The following CLSTN1 variants were observed in gnomAD, a reference collection of about 807,000 sequenced individuals.
CLSTN1 encodes calsyntenin-1.
CLSTN1 carries 28 observed loss-of-function variants against 108.3 expected under a neutral mutation model. That is an observed-to-expected ratio of 0.26 (90% confidence interval 0.19 to 0.35). The LOEUF is 0.35. Ranked by LOEUF, CLSTN1 falls within the 10% of genes least tolerant of loss-of-function variation. The pLI, the probability that CLSTN1 is intolerant of heterozygous loss-of-function variation, is 1.00. For synonymous variants in CLSTN1, 524 were observed against 534.9 expected (o/e 0.98, Z 0.28); for missense variants, 1,157 against 1,302.6 (o/e 0.89, Z 1.72).
rs1458846515 is a variant in CLSTN1 at position 9,823,949 on chromosome 1, G to C, written c.-216C>G. On this transcript the variant is annotated 5_prime_UTR_variant, in exon 1 of 19. Coordinates refer to ENST00000377298, the MANE Select transcript of CLSTN1 (RefSeq NM_001009566.3). This position sits in a 1 kb window ranked among gnomAD's most constrained non-coding sequence, Gnocchi z 6.3. ...TCAGAGCAGCGTCTTGCTGAAGGCA[G>C]CGGCAGCAACTAAGATGGCGGCGGC... 1 of 161,432 alleles carries C rather than the reference G, an allele frequency of 6.2e-6. No homozygotes were observed. Among genetic ancestry groups the C allele is most frequent in the Admixed American group, 6.5e-5 (1 of 15,454 alleles). The allele number at this position is 161,432 out of a possible 1,614,324, so 10.0% of individuals were successfully genotyped here. A position where few individuals can be genotyped will look rare whatever the true frequency, so the allele number is the denominator to read the frequency against.
chr1:9,762,460 C>CA (rs534167959), intron 2 of CLSTN1, among the ~76,000 whole-genome samples: 1,506 of 120,268 alleles, frequency 0.013, 16 homozygotes, highest in African/African-American at 0.029. Flanking sequence ...GACTCTGTCT[C>CA]AAAAAAAAAA....
intron 1 of CLSTN1, among the ~76,000 whole-genome samples, chr1:9,793,917 G>C (rs999419058): frequency 1.3e-5 from 2 of 151,418 alleles, no homozygotes; most frequent in Non-Finnish European, 2.9e-5. Flanking sequence ...GCTTCCCCTG[G>C]TGGGCCAGGG....
At position 9,791,926 on chromosome 1, in the gene CLSTN1, A is replaced by G. The variant is rs1194551680; in HGVS notation, c.92-18532T>C. ...CACTTTGGGAGGCTGAGGCGGGTCG[A>G]TCACCTGAGGTCAGGAGTTCCAGAC... On this transcript the variant is annotated intron_variant, in intron 1 of 18. Transcript: ENST00000377298. Among the ~76,000 whole-genome samples, 3 of 151,134 alleles carry G rather than the reference A, an allele frequency of 2.0e-5. No homozygotes were observed. The East Asian group carries it at 6.1e-4, about 31-fold the overall frequency.
chr1:9,807,747 T>G (rs1214477451), intron 1 of CLSTN1, among the ~76,000 whole-genome samples: 2 of 152,236 alleles, frequency 1.3e-5, no homozygotes, highest in Non-Finnish European at 2.9e-5. Flanking sequence ...AAAACCTTTC[T>G]GCCCTTGGAG....
chr1:9,806,142 T>C (rs768134167), intron 1 of CLSTN1, among the ~76,000 whole-genome samples: 4 of 151,050 alleles, frequency 2.6e-5, no homozygotes, highest in East Asian at 3.9e-4. Flanking sequence ...ATACAAAAAT[T>C]AGCTGTCCAT....
chr1:9,807,500 T>C (rs922732991), intron 1 of CLSTN1, among the ~76,000 whole-genome samples: 2 of 152,234 alleles, frequency 1.3e-5, no homozygotes, highest in Non-Finnish European at 2.9e-5. Flanking sequence ...ATTTACTTCA[T>C]ATAGATTTAG....
intron 10 of CLSTN1, among the ~76,000 whole-genome samples, chr1:9,739,157 C>T (rs1212967826): frequency 1.3e-5 from 2 of 152,152 alleles, no homozygotes; most frequent in Admixed American, 6.5e-5. Flanking sequence ...TTTCCACTAA[C>T]TTCTGAAATT....
chr1:9,754,992 G>A (rs1252786165), intron 4 of CLSTN1, 122 bp downstream of exon 4: 3 of 721,478 alleles, frequency 4.2e-6, no homozygotes, highest in Non-Finnish European at 4.6e-6. Flanking sequence ...AGACACTTGA[G>A]AACTATCTTC....
chr1:9,765,871 T>C (rs1652305309), intron 2 of CLSTN1, among the ~76,000 whole-genome samples: 1 of 151,384 alleles, frequency 6.6e-6, no homozygotes, highest in Admixed American at 6.6e-5. Flanking sequence ...AGCGAGACTC[T>C]GTCTCAAAAA....
chr1:9,778,380 G>A (rs1249523974), intron 1 of CLSTN1, among the ~76,000 whole-genome samples: 2 of 152,134 alleles, frequency 1.3e-5, no homozygotes, highest in Non-Finnish European at 2.9e-5. Context: ...AACCTCAAAT[G>A]CGCAAATCAG....
chr1:9,792,432 C>T lies in CLSTN1; in HGVS notation c.92-19038G>A, dbSNP rs1367284306. Among the ~76,000 whole-genome samples the T allele has an allele frequency of 3.3e-5, 5 of 151,448 alleles. No homozygotes were observed. The Admixed American group carries it at 3.3e-4, about 10-fold the overall frequency. The stretch of plus-strand genomic sequence containing the variant: ...AGATTTCCAGCAGCAAAGGCTTTAG[C>T]ACAATCCTTCCAGAAGTTCCAAAGC... On this transcript the variant is annotated intron_variant, in intron 1 of 18. Coordinates refer to ENST00000377298, the MANE Select transcript of CLSTN1 (RefSeq NM_001009566.3).
chr1:9,816,601 CAA>C (rs770468061), intron 1 of CLSTN1, among the ~76,000 whole-genome samples: 2 of 148,708 alleles, frequency 1.3e-5, no homozygotes, highest in Non-Finnish European at 3.0e-5. Flanking sequence ...TTGTTTGAGA[CAA>C]AGTCTTGCTC....
chr1:9,812,690 T>C (rs1403917163), intron 1 of CLSTN1, among the ~76,000 whole-genome samples: 1 of 151,608 alleles, frequency 6.6e-6, no homozygotes, highest in Non-Finnish European at 1.5e-5. Flanking sequence ...CTACTAAAAA[T>C]ACAAAATTAG....
chr1:9,763,829 C>T (rs1487023421), intron 2 of CLSTN1, among the ~76,000 whole-genome samples: 1 of 152,186 alleles, frequency 6.6e-6, no homozygotes, highest in Non-Finnish European at 1.5e-5. Context: ...CCTCTCTTCA[C>T]TGCCTATGCA....
intron 1 of CLSTN1, among the ~76,000 whole-genome samples, chr1:9,796,194 A>G (rs969487634): frequency 6.7e-5 from 10 of 148,528 alleles, no homozygotes; most frequent in Non-Finnish European, 8.9e-5. Context: ...CCTAGGAGGC[A>G]GAGGTTGCAG....
chr1:9,789,117 A>C (rs1236347450), intron 1 of CLSTN1, among the ~76,000 whole-genome samples: 1 of 151,454 alleles, frequency 6.6e-6, no homozygotes. Context: ...GGCCATTGTG[A>C]ACAATGCTGC....
chr1:9,756,812 G>A (rs180923584), intron 2 of CLSTN1, among the ~76,000 whole-genome samples: 67 of 152,070 alleles, frequency 4.4e-4, no homozygotes, highest in African/African-American at 1.4e-3. Context: ...ACAGAGTCTC[G>A]CTCTGTCACC....
rs1655257770 is a variant in CLSTN1, at chr1:9,823,247, C to T, written c.91+396G>A. ...AGCATCTCACCCAGGGGTGCAGCCC[C>T]AGCCTGCGTGCGCCGCTGAGCAGGG... On this transcript the variant is annotated intron_variant, in intron 1 of 18. Transcript: ENST00000377298. The surrounding 1 kb of genome is among the most constrained non-coding windows in gnomAD (Gnocchi z 6.3). Among the ~76,000 whole-genome samples the T allele has an allele frequency of 6.6e-6, 1 of 152,228 alleles. No individual in the cohort carries two copies. Among genetic ancestry groups the T allele is most frequent in the African/African-American group, 2.4e-5 (1 of 41,468 alleles).
chr1:9,821,696 T>C (rs766865903), intron 1 of CLSTN1, among the ~76,000 whole-genome samples: 2 of 152,232 alleles, frequency 1.3e-5, no homozygotes, highest in Non-Finnish European at 2.9e-5. Context: ...ACTGTAAATT[T>C]ACATATGAAA....
Sources: gnomAD v4.1 joint callset for allele counts (sites outside exome capture counted in the v4.1 genomes callset) on GRCh38, gnomAD v4.1.1 for gene constraint, Gnocchi (gnomAD v3.1) non-coding constraint, MANE v1.5 for transcripts, NCBI Gene and HGNC (gene_info 2026-07-23, HGNC 2026-07-21) for gene names.